Variants in UGT2A1 observed in about 807,000 individuals in gnomAD.
UGT2A1 encodes UDP-glucuronosyltransferase 2A1.
A neutral mutation model predicts 45.4 loss-of-function variants in UGT2A1; 61 were observed. That is an observed-to-expected ratio of 1.34 (90% confidence interval 1.09 to 1.66). The LOEUF is 1.66. UGT2A1 is among the 40% of genes most tolerant of loss of function. The pLI is 0.00. For synonymous variants in UGT2A1, 229 were observed against 196.2 expected (o/e 1.17, Z -1.40); for missense variants, 649 against 574.3 (o/e 1.13, Z -1.33).
intron 3 of UGT2A1, among the ~76,000 whole-genome samples, chr4:69,627,192 C>T (rs1210339427): frequency 6.6e-6 from 1 of 151,576 alleles, no homozygotes; most frequent in Non-Finnish European, 1.5e-5. Flanking sequence ...AAATCCTTTG[C>T]CACAATAACA....
intron 4 of UGT2A1, chr4:69,596,288 T>A: frequency 1.9e-6 from 3 of 1,607,770 alleles, no homozygotes; most frequent in Non-Finnish European, 2.6e-6. Flanking sequence ...GCAATAAGAT[T>A]GGCCTTTTCT....
intron 2 of UGT2A1, chr4:69,638,755 AAT>A: frequency 9.3e-7 from 1 of 1,078,436 alleles, no homozygotes; most frequent in Non-Finnish European, 1.3e-6. Flanking sequence ...CAAAGAGAAT[AAT>A]CAGGGAATTG....
intron 1 of UGT2A1, among the ~76,000 whole-genome samples, chr4:69,649,032 T>C (rs1175753894): frequency 6.6e-6 from 1 of 152,096 alleles, no homozygotes. Context: ...TCGGATCAAG[T>C]AATTCAAGTA....
rs768266961 is a variant in UGT2A1, at chr4:69,639,343, T to C, written c.716-3521A>G. On this transcript the variant is annotated intron_variant, in intron 2 of 6. Coordinates refer to ENST00000286604, the MANE Select transcript of UGT2A1 (RefSeq NM_001252275.3). ...GGTCTATGGTCAATCCACAGCATTA[T>C]CATATGCTCAATTAAGGAATCTATA... The C allele has an allele frequency of 1.1e-5, 18 of 1,613,616 alleles. No individual in the cohort carries two copies. The African/African-American group carries it at 1.3e-4, about 12-fold the overall frequency.
In UGT2A1 at chr4:69,647,090, C is replaced by T; in HGVS notation, c.555G>A (p.Lys185=). Residue 185 remains lysine, a synonymous_variant, in exon 2 of 7, where the codon AAG becomes AAA. Transcript: ENST00000286604. The stretch of plus-strand genomic sequence containing the variant: ...GAACATAGGAAGGAGGGTATGGTAC[C>T]TTCCCACAGTGCTTTTCCACTGTTG... The part of the protein sequence containing the change: ...PASTVEKHCG[K]VPYPPSYVPA... 6.2e-7 allele frequency: 1 copy of T among 1,612,744 alleles called. No individual in the cohort carries two copies. The highest frequency in any genetic ancestry group is 8.5e-7 in the Non-Finnish European group (1 of 1,179,248).
At chr4:69,596,370 T>A in intron 4 of UGT2A1, 5 of 1,596,276 alleles carry the variant, frequency 3.1e-6, no homozygotes, top group Non-Finnish European at 4.3e-6. Flanking sequence ...TCTGGATAAA[T>A]TCTTCCATTT....
chr4:69,646,735 A>G (rs1722277266), intron 2 of UGT2A1, among the ~76,000 whole-genome samples, 195 bp downstream of exon 2: 1 of 151,848 alleles, frequency 6.6e-6, no homozygotes, highest in African/African-American at 2.4e-5. Flanking sequence ...ATTTAAGTCC[A>G]TGCAATTAGA....
At chr4:69,601,914 A>G (rs2109896113) in intron 3 of UGT2A1, among the ~76,000 whole-genome samples, 1 of 137,132 alleles carries the variant, frequency 7.3e-6, no homozygotes, top group East Asian at 2.1e-4. Context: ...GGAGGGCTGT[A>G]CCACAACCAT....
chr4:69,633,694 A>G (rs546873577), intron 3 of UGT2A1, among the ~76,000 whole-genome samples: 24 of 152,334 alleles, frequency 1.6e-4, no homozygotes, highest in Admixed American at 1.5e-3. Context: ...AGCAAGATAC[A>G]AAGGAGTACA....
intron 3 of UGT2A1, among the ~76,000 whole-genome samples, chr4:69,626,812 T>A (rs1721086712): frequency 6.6e-6 from 1 of 151,866 alleles, no homozygotes. Context: ...GTTCTATTCA[T>A]TCATACTAAT....
At chr4:69,629,497 AC>A (rs1721268163) in intron 3 of UGT2A1, among the ~76,000 whole-genome samples, 1 of 152,014 alleles carries the variant, frequency 6.6e-6, no homozygotes, top group Non-Finnish European at 1.5e-5. Context: ...AATGTGATTT[AC>A]CATGATCACC....
intron 1 of UGT2A1, among the ~76,000 whole-genome samples, chr4:69,651,307 T>A (rs1018483158): frequency 1.2e-4 from 18 of 152,156 alleles, no homozygotes; most frequent in Middle Eastern, 3.2e-3. Context: ...TAATCTGCCC[T>A]TGCCAGAAAA....
chr4:69,608,993 A>G (rs979371347), intron 3 of UGT2A1, among the ~76,000 whole-genome samples: 5 of 152,136 alleles, frequency 3.3e-5, no homozygotes, highest in Admixed American at 1.3e-4. Context: ...TCAGGAACAT[A>G]AAGAAAAATT....
chr4:69,632,375 A>C (rs181439529), intron 3 of UGT2A1, among the ~76,000 whole-genome samples: 1 of 152,146 alleles, frequency 6.6e-6, no homozygotes, highest in Non-Finnish European at 1.5e-5. Context: ...TTTAGTTTAC[A>C]CACAGCACCT....
At chr4:69,621,904 A>G (rs1340396544) in intron 3 of UGT2A1, among the ~76,000 whole-genome samples, 2 of 151,816 alleles carry the variant, frequency 1.3e-5, no homozygotes, top group African/African-American at 4.8e-5. Flanking sequence ...ACTAATGCAG[A>G]CACAGAACAC....
chr4:69,619,991 A>G (rs1720649131), intron 3 of UGT2A1, among the ~76,000 whole-genome samples: 1 of 152,196 alleles, frequency 6.6e-6, no homozygotes, highest in Non-Finnish European at 1.5e-5. Flanking sequence ...ACCTCAAAAT[A>G]ATAAGAGACA....
chr4:69,639,117 G>A, intron 2 of UGT2A1: 1 of 1,613,506 alleles, frequency 6.2e-7, no homozygotes, highest in Non-Finnish European at 8.5e-7. Flanking sequence ...GTACATAAAT[G>A]GAATTCCTAA....
intron 2 of UGT2A1, chr4:69,639,260 G>T (rs1721910058): frequency 6.2e-7 from 1 of 1,613,686 alleles, no homozygotes; most frequent in Non-Finnish European, 8.5e-7. Flanking sequence ...TAATTTGAAA[G>T]AAAGTGTCTA....
intron 6 of UGT2A1, among the ~76,000 whole-genome samples, chr4:69,591,947 A>T (rs1718617389): frequency 6.6e-6 from 1 of 152,332 alleles, no homozygotes; most frequent in Admixed American, 6.5e-5. Context: ...TATGATTTCT[A>T]AAATTATGAC....
Sources: allele counts gnomAD v4.1 joint callset (sites outside exome capture counted in the v4.1 genomes callset), GRCh38; gene constraint gnomAD v4.1.1; transcripts MANE v1.5; gene names NCBI Gene and HGNC (gene_info 2026-07-23, HGNC 2026-07-21).